The following CHN2 variants were observed in gnomAD, a reference collection of about 807,000 sequenced individuals.
CHN2 encodes the protein beta-chimaerin.
In CHN2, 35 loss-of-function variants were observed where a neutral mutation model predicts 56.3. The observed-to-expected ratio is 0.62, with a 90% CI of 0.47 to 0.82. The LOEUF (loss-of-function observed/expected upper bound fraction) is 0.82. CHN2 is among the 40% of genes least tolerant of loss of function. CHN2 has a pLI of 0.00. For synonymous variants in CHN2, 210 were observed against 212.8 expected (o/e 0.99, Z 0.12); for missense variants, 491 against 580.5 (o/e 0.85, Z 1.58).
chr7:29,427,393 C>T lies in CHN2; in HGVS notation c.576+26565C>T, dbSNP rs143607185. On this transcript the variant is annotated intron_variant, in intron 6 of 12. Coordinates refer to ENST00000222792, the MANE Select transcript of CHN2 (RefSeq NM_004067.4). ...TCTTTAGGTCGACTAATTACATCTG[C>T]AGAATCCCTTTTACCGTATAACATA... Among the ~76,000 whole-genome samples, 123 of 152,220 alleles carry T rather than the reference C, an allele frequency of 8.1e-4. 1 individual carries two copies. Among genetic ancestry groups the T allele is most frequent in the Middle Eastern group, 3.4e-3 (1 of 292 alleles).
rs546297293 is a variant in CHN2 at position 29,150,588 on chromosome 7, T to A, written c.274+3628T>A. ...CACATCTTGATCAGGTAAATACAAT[T>A]CCAATTGTCTAAGTTTGTAGGTCTG... On this transcript the variant is annotated intron_variant, in intron 2 of 6. Transcript: ENST00000439384. 5.3e-5 allele frequency among the ~76,000 whole-genome samples: 8 copies of A among 152,298 alleles called. No homozygotes were observed. In the East Asian group the frequency reaches 1.4e-3, roughly 26 times the overall value.
intron 6 of CHN2, among the ~76,000 whole-genome samples, chr7:29,413,046 C>T (rs141417439): frequency 0.011 from 1,717 of 152,268 alleles, 37 homozygotes; most frequent in African/African-American, 0.039. Context: ...TGGCATTACT[C>T]ATTTTGCAAT....
intron 3 of CHN2, among the ~76,000 whole-genome samples, chr7:29,374,698 A>ATG (rs1421079304): frequency 6.6e-6 from 1 of 152,190 alleles, no homozygotes; most frequent in African/African-American, 2.4e-5. Flanking sequence ...GATGAGGCAA[A>ATG]AGTAGAATGA....
intron 3 of CHN2, among the ~76,000 whole-genome samples, chr7:29,374,944 A>G (rs1342061597): frequency 6.8e-6 from 1 of 148,034 alleles, no homozygotes; most frequent in Non-Finnish European, 1.5e-5. Flanking sequence ...CTGGAGTGCA[A>G]TGGCGCGATC....
chr7:29,373,966 GATTTAAGAC>G (rs1799824144), intron 3 of CHN2, among the ~76,000 whole-genome samples: 1 of 152,014 alleles, frequency 6.6e-6, no homozygotes, highest in Non-Finnish European at 1.5e-5. Context: ...AAACTCTACT[GATTTAAGAC>G]ATCTCGACAA....
intron 1 of CHN2, among the ~76,000 whole-genome samples, chr7:29,348,474 C>T (rs1339600776): frequency 1.3e-5 from 2 of 152,240 alleles, no homozygotes; most frequent in Middle Eastern, 6.8e-3. Context: ...ATTTTCTAAG[C>T]ATCTGTATCT....
chr7:29,396,201 G>A (rs1256695422), intron 4 of CHN2, among the ~76,000 whole-genome samples: 1 of 152,072 alleles, frequency 6.6e-6, no homozygotes, highest in Non-Finnish European at 1.5e-5. Flanking sequence ...CCAGCACTTT[G>A]GGAGACCGAG....
chr7:29,461,833 TG>T, intron 6 of CHN2, among the ~76,000 whole-genome samples: 1 of 151,580 alleles, frequency 6.6e-6, no homozygotes. Flanking sequence ...GATGGATGGA[TG>T]GATGGATGGA....
intron 3 of CHN2, 133 bp downstream of exon 3, chr7:29,368,120 A>C: frequency 1.8e-6 from 1 of 565,400 alleles, no homozygotes; most frequent in Admixed American, 4.0e-5. Flanking sequence ...AAAAAATTTA[A>C]CATCTTCATA....
intron 7 of CHN2, among the ~76,000 whole-genome samples, chr7:29,484,879 G>A (rs938057281): frequency 3.7e-4 from 57 of 152,188 alleles, no homozygotes; most frequent in African/African-American, 1.3e-3. Flanking sequence ...ATGAAAAAAG[G>A]TCTTTAGATG....
chr7:29,412,424 C>T (rs188441783), intron 6 of CHN2, among the ~76,000 whole-genome samples: 1 of 148,620 alleles, frequency 6.7e-6, no homozygotes, highest in African/African-American at 2.5e-5. Context: ...CTTCATCTCC[C>T]GGGTTCAAGT....
chr7:29,399,731 C>T (rs919155618), intron 5 of CHN2, among the ~76,000 whole-genome samples: 7 of 152,320 alleles, frequency 4.6e-5, no homozygotes, highest in African/African-American at 1.7e-4. Flanking sequence ...TGTGCAATGA[C>T]ACTTTCCAAG....
intron 1 of CHN2, among the ~76,000 whole-genome samples, chr7:29,260,901 C>G (rs1240808725): frequency 1.3e-5 from 2 of 152,132 alleles, no homozygotes; most frequent in Non-Finnish European, 2.9e-5. Context: ...TTGAGAATGT[C>G]ATTTAGAAAT....
chr7:29,375,722 GA>G (rs1196912571), intron 3 of CHN2, among the ~76,000 whole-genome samples: 1 of 152,028 alleles, frequency 6.6e-6, no homozygotes, highest in Non-Finnish European at 1.5e-5. Context: ...TCCAAACTGA[GA>G]CACAATTGTT....
intron 6 of CHN2, among the ~76,000 whole-genome samples, chr7:29,420,554 T>G (rs1010107526): frequency 3.9e-5 from 6 of 152,236 alleles, no homozygotes; most frequent in African/African-American, 1.4e-4. Context: ...TTGTTTATAC[T>G]AAGACAAATA....
intron 12 of CHN2, 104 bp from the exon 13 acceptor site, chr7:29,512,460 A>G (rs958979402): frequency 2.1e-5 from 21 of 989,128 alleles, no homozygotes; most frequent in African/African-American, 5.0e-5. Context: ...TTTTCTTGCA[A>G]TTTCCTGAAC....
chr7:29,303,645 C>G (rs900256726), intron 1 of CHN2, among the ~76,000 whole-genome samples: 1 of 152,234 alleles, frequency 6.6e-6, no homozygotes, highest in African/African-American at 2.4e-5. Flanking sequence ...ATAGGACTTT[C>G]TTCAGAGCCT....
chr7:29,512,957 C>T lies in CHN2; in HGVS notation c.*222C>T, dbSNP rs370413327. On this transcript the variant is annotated 3_prime_UTR_variant, in exon 13 of 13. Transcript: ENST00000222792. ...GAAGCCCCTCACCTTGGGTCTTTTGCTGTGCCTCCTATGTATGTCTGGTTT... is the reference window on the plus strand; with the variant it reads ...GAAGCCCCTCACCTTGGGTCTTTTGTTGTGCCTCCTATGTATGTCTGGTTT... 2.2e-6 allele frequency: 1 copy of T among 456,290 alleles called. No individual in the cohort carries two copies. Among genetic ancestry groups the T allele is most frequent in the Non-Finnish European group, 3.9e-6 (1 of 259,266 alleles). 28.3% of individuals were successfully genotyped at this position (456,290 alleles called of 1,614,324 possible).
At chr7:29,315,342 C>G (rs542759564) in intron 1 of CHN2, among the ~76,000 whole-genome samples, 2 of 152,182 alleles carry the variant, frequency 1.3e-5, no homozygotes, top group Admixed American at 6.5e-5. Context: ...ATTGCAATTT[C>G]CCTTGTATGA....
Sources: gnomAD v4.1 joint callset for allele counts (sites outside exome capture counted in the v4.1 genomes callset) on GRCh38, gnomAD v4.1.1 for gene constraint, MANE v1.5 for transcripts, NCBI Gene and HGNC (gene_info 2026-07-23, HGNC 2026-07-21) for gene names.